NIBAN1: variants seen among roughly 807,000 people sequenced by gnomAD.
NIBAN1 encodes the protein protein Niban 1.
In NIBAN1, 81 loss-of-function variants were observed where a neutral mutation model predicts 75.1. That is an observed-to-expected ratio of 1.08 (90% confidence interval 0.90 to 1.30). The LOEUF (loss-of-function observed/expected upper bound fraction) is 1.30, where lower values mean the gene tolerates loss of function less well. Ranked by LOEUF, NIBAN1 falls within the 50% of genes most tolerant of loss-of-function variation. NIBAN1 has a pLI of 0.00. For synonymous variants in NIBAN1, 436 were observed against 424.8 expected, an observed-to-expected ratio of 1.03 and a Z score of -0.32; for missense variants, 1,133 against 1,128.1, an observed-to-expected ratio of 1.00 and a Z score of -0.06.
At chr1:184,903,650 TC>T (rs1277226213) in intron 1 of NIBAN1, among the ~76,000 whole-genome samples, 2 of 151,664 alleles carry the variant, frequency 1.3e-5, no homozygotes, top group Non-Finnish European at 2.9e-5. Context: ...ATTGTAAGCT[TC>T]CTGAGGCCCT....
chr1:184,913,438 C>T (rs534352401), intron 1 of NIBAN1, among the ~76,000 whole-genome samples: 4 of 152,128 alleles, frequency 2.6e-5, no homozygotes, highest in African/African-American at 9.6e-5. Context: ...GACATATCAG[C>T]TCACGTACCT....
intron 1 of NIBAN1, 115 bp from the exon 2 acceptor site, chr1:184,899,424 G>GT: frequency 9.2e-7 from 1 of 1,086,460 alleles, no homozygotes; most frequent in Non-Finnish European, 1.3e-6. Flanking sequence ...AGTCACCCCT[G>GT]TTTCTATCCC....
At chr1:184,898,672 A>G (rs1351202621) in intron 2 of NIBAN1, among the ~76,000 whole-genome samples, 1 of 152,168 alleles carries the variant, frequency 6.6e-6, no homozygotes, top group Admixed American at 6.6e-5. Context: ...ATCTGATGTC[A>G]CCTGATATTA....
intron 1 of NIBAN1, among the ~76,000 whole-genome samples, chr1:184,904,858 G>A (rs2101996539): frequency 6.6e-6 from 1 of 152,204 alleles, no homozygotes; most frequent in Middle Eastern, 3.4e-3. Flanking sequence ...GGCTGAGGCA[G>A]GAGAATCACT....
rs774045598 is a variant in NIBAN1 at position 184,835,902 on chromosome 1, G to T, written c.602-3940C>A. On this transcript the variant is annotated intron_variant, in intron 5 of 13. Transcript: ENST00000367511. Reference sequence around the variant, plus strand: ...TATGTTGAATGGGAGTGGTGAGAGAGGGCATCCCTGTCTTGTGCCCGTTTT... The same window carrying T: ...TATGTTGAATGGGAGTGGTGAGAGATGGCATCCCTGTCTTGTGCCCGTTTT... Among the ~76,000 whole-genome samples, 19 of 152,296 alleles carry T rather than the reference G, an allele frequency of 1.2e-4. No homozygotes were observed. The East Asian group carries it at 1.9e-3, about 15-fold the overall frequency.
intron 1 of NIBAN1, among the ~76,000 whole-genome samples, chr1:184,951,091 T>C (rs1571599218): frequency 6.6e-6 from 1 of 152,202 alleles, no homozygotes; most frequent in East Asian, 1.9e-4. Flanking sequence ...CTCATGGCTA[T>C]GTAGTGAGTG....
intron 1 of NIBAN1, among the ~76,000 whole-genome samples, chr1:184,948,833 AAG>A (rs1053171853): frequency 7.9e-5 from 12 of 152,162 alleles, no homozygotes; most frequent in Non-Finnish European, 1.6e-4. Flanking sequence ...AAACATTGAA[AAG>A]AGAAAGAGAA....
intron 5 of NIBAN1, among the ~76,000 whole-genome samples, chr1:184,832,227 C>G (rs1433522659): frequency 6.6e-6 from 1 of 152,094 alleles, no homozygotes; most frequent in African/African-American, 2.4e-5. Context: ...TCTCCTTTAC[C>G]CTCTCTTATA....
intron 5 of NIBAN1, among the ~76,000 whole-genome samples, chr1:184,860,926 T>G (rs1023302668): frequency 1.3e-5 from 2 of 152,252 alleles, no homozygotes; most frequent in Non-Finnish European, 2.9e-5. Context: ...CCAAGTAATT[T>G]GTGCCCACAC....
intron 8 of NIBAN1, among the ~76,000 whole-genome samples, chr1:184,819,353 A>T (rs1469680032): frequency 6.6e-6 from 1 of 152,140 alleles, no homozygotes; most frequent in East Asian, 1.9e-4. Flanking sequence ...TCCTGTCCCC[A>T]TCCCTGATTA....
intron 1 of NIBAN1, among the ~76,000 whole-genome samples, chr1:184,942,085 G>A (rs1164622647): frequency 1.3e-5 from 2 of 152,046 alleles, no homozygotes; most frequent in Non-Finnish European, 2.9e-5. Flanking sequence ...AAATTAAGTA[G>A]ACAATTTAAA....
rs375753815 is a variant in NIBAN1 at position 184,959,702 on chromosome 1, T to G, written c.55+14600A>C. Among the ~76,000 whole-genome samples, 9 of 152,336 alleles carry G rather than the reference T, an allele frequency of 5.9e-5. No homozygotes were observed. The East Asian group carries it at 1.2e-3, about 20-fold the overall frequency. ...TCAGTTTGATCTGTTTGAGGTTTGC[T>G]TTTAAATTTTTATTAGAGCAGGTCC... On this transcript the variant is annotated intron_variant, in intron 1 of 13. Transcript: ENST00000367511.
intron 1 of NIBAN1, among the ~76,000 whole-genome samples, chr1:184,917,855 T>C (rs1252865763): frequency 6.6e-6 from 1 of 152,156 alleles, no homozygotes; most frequent in Admixed American, 6.5e-5. Flanking sequence ...AACTGCCCTC[T>C]TTTTTACCCT....
At chr1:184,905,396 A>G (rs1657065819) in intron 1 of NIBAN1, among the ~76,000 whole-genome samples, 1 of 152,140 alleles carries the variant, frequency 6.6e-6, no homozygotes, top group South Asian at 2.1e-4. Flanking sequence ...TTCATTTAAC[A>G]TGCTGCTGCA....
At position 184,796,019 on chromosome 1, in the gene NIBAN1, C is replaced by G. The variant is rs774054893; in HGVS notation, c.1745G>C (p.Ser582Thr). The change falls in exon 14 of 14, where the codon AGC (serine) becomes ACC (threonine). Residue 582 changes from serine (S) to threonine (T), a missense_variant. By Grantham distance (58) the Ser-to-Thr change is moderately conservative. Transcript: ENST00000367511. ...TGTGGGGGGCTTTAGATCTGTTAAG[C>G]TGGACACACTTTCACTGGGCAAGGC... ...NMALPSESVS[S>T]LTDLKPPTGS... 3.1e-6 allele frequency: 5 copies of G among 1,611,230 alleles called. No homozygotes were observed. Among genetic ancestry groups the G allele is most frequent in the Non-Finnish European group, 4.2e-6 (5 of 1,179,680 alleles).
intron 1 of NIBAN1, among the ~76,000 whole-genome samples, chr1:184,902,431 A>G (rs1656977981): frequency 6.6e-6 from 1 of 152,212 alleles, no homozygotes; most frequent in South Asian, 2.1e-4. Flanking sequence ...CTAATGCAGT[A>G]AAGTGCTCAG....
chr1:184,970,030 A>G (rs898742749), intron 1 of NIBAN1, among the ~76,000 whole-genome samples: 4 of 151,908 alleles, frequency 2.6e-5, no homozygotes, highest in Non-Finnish European at 1.5e-5. Context: ...CTACCTGGGC[A>G]TGGTGGCACA....
intron 8 of NIBAN1, among the ~76,000 whole-genome samples, chr1:184,820,952 C>T (rs868407871): frequency 3.9e-5 from 6 of 152,156 alleles, no homozygotes; most frequent in South Asian, 2.1e-4. Context: ...TCGTTTTTTC[C>T]AGTCCCCCGA....
At chr1:184,970,811 C>T (rs540757533) in intron 1 of NIBAN1, among the ~76,000 whole-genome samples, 1 of 152,150 alleles carries the variant, frequency 6.6e-6, no homozygotes, top group South Asian at 2.1e-4. Context: ...CTCCACAGGA[C>T]TTCTTATGTG....
Sources: allele counts gnomAD v4.1 joint callset (sites outside exome capture counted in the v4.1 genomes callset), GRCh38; gene constraint gnomAD v4.1.1; transcripts MANE v1.5; gene names NCBI Gene and HGNC (gene_info 2026-07-23, HGNC 2026-07-21).